The following ZFPL1 variants were observed in gnomAD, a reference collection of about 807,000 sequenced individuals.
The protein encoded by ZFPL1 is zinc finger protein-like 1.
A neutral mutation model predicts 32.0 loss-of-function variants in ZFPL1; 28 were observed. The observed-to-expected ratio is 0.87, with a 90% CI of 0.65 to 1.20. The LOEUF (loss-of-function observed/expected upper bound fraction) is 1.20. ZFPL1 is among the 50% of genes most tolerant of loss of function. ZFPL1 has a pLI of 0.00. For missense variants in ZFPL1, 386 were observed against 424.8 expected, an observed-to-expected ratio of 0.91 and a Z score of 0.80; for synonymous variants, 165 against 177.0, an observed-to-expected ratio of 0.93 and a Z score of 0.54.
chr11:65,084,261 C>G lies in ZFPL1; in HGVS notation c.-126C>G. On this transcript the variant is annotated 5_prime_UTR_variant, in exon 1 of 8. Coordinates refer to ENST00000294258, the MANE Select transcript of ZFPL1 (RefSeq NM_006782.4). ...GGAGGGATAATCGGGGCGGCCGGGG[C>G]TGAAGGGAGAGGCGCAGGAGCCCTG... 1.8e-6 allele frequency: 1 copy of G among 567,426 alleles called. No homozygotes were observed. The highest frequency in any genetic ancestry group is 2.1e-5 in the South Asian group (1 of 48,278). 35.1% of individuals were successfully genotyped at this position (567,426 alleles called of 1,614,324 possible).
At position 65,087,453 on chromosome 11, in the gene ZFPL1, G is replaced by GC; in HGVS notation, c.746+21dup. On this transcript the variant is annotated intron_variant, in intron 7 of 7. Transcript: ENST00000294258. ...GCTAAGGTACACAGGGTCAGGCAGG[G>GC]CGGAATGCCAGGAAGGGGTGGAGAG... 1 of 1,611,720 alleles carries GC rather than the reference G, an allele frequency of 6.2e-7. No individual in the cohort carries two copies. Among genetic ancestry groups the GC allele is most frequent in the South Asian group, 1.1e-5 (1 of 91,036 alleles).
Position 65,087,081 on chromosome 11 carries a change from C to A in ZFPL1, c.628+7C>A, listed in dbSNP as rs1204666075. On this transcript the variant is annotated splice_region_variant and intron_variant, in intron 6 of 7. Transcript: ENST00000294258. ...CCTGAGCCCTTGACTCACGGTGAGC[C>A]TGGGAGTTATCCAGGCCGCAGAAGG... 1 of 1,609,690 alleles carries A rather than the reference C, an allele frequency of 6.2e-7. No homozygotes were observed. The highest frequency in any genetic ancestry group is 1.1e-5 in the South Asian group (1 of 90,924).
intron 3 of ZFPL1, 167 bp from the exon 4 acceptor site, chr11:65,086,248 G>A (rs1947678078): frequency 5.3e-6 from 5 of 939,066 alleles, no homozygotes; most frequent in Non-Finnish European, 6.5e-6. Flanking sequence ...CTTAGATGGT[G>A]GTAGCCAAGA....
rs1947655327 is a variant in ZFPL1 at position 65,084,774 on chromosome 11, C to G, written c.76C>G (p.His26Asp). 1 of 1,614,030 alleles carries G rather than the reference C, an allele frequency of 6.2e-7. No homozygotes were observed. The highest frequency in any genetic ancestry group is 1.3e-5 in the African/African-American group (1 of 74,910). Residue 26 changes from histidine to aspartate, a missense_variant, in exon 2 of 8, where the codon CAC (histidine) becomes GAC (aspartate). His to Asp is a moderately conservative substitution (Grantham distance 81). Transcript: ENST00000294258. ...CFEHRVNVCEHCLVANHAKCI... is the reference protein window; with the variant it reads ...CFEHRVNVCEDCLVANHAKCI... ...CGAACATCGGGTCAACGTCTGCGAG[C>G]ACTGCCTGGTAGCCAATCACGCCAA... is the stretch of plus-strand genomic sequence containing the variant.
intron 3 of ZFPL1, 39 bp from the exon 4 acceptor site, chr11:65,086,376 T>A (rs1281832007): frequency 1.9e-6 from 3 of 1,613,362 alleles, no homozygotes. Flanking sequence ...AAGTGTCTTC[T>A]TCCTCATGTC....
At position 65,085,106 on chromosome 11, in the gene ZFPL1, C is replaced by T; in HGVS notation, c.103-9C>T. ...CAGCACCAGTTGTGACATCTCTCTC[C>T]CACTCCAGTGCATCGTCCAGTCCTA... On this transcript the variant is annotated splice_polypyrimidine_tract_variant and intron_variant, in intron 2 of 7. Transcript: ENST00000294258. 1 of 1,613,514 alleles carries T rather than the reference C, an allele frequency of 6.2e-7. No individual in the cohort carries two copies. Among genetic ancestry groups the T allele is most frequent in the Non-Finnish European group, 8.5e-7 (1 of 1,179,426 alleles).
chr11:65,085,988 C>CGTA, intron 3 of ZFPL1: 1 of 216,214 alleles, frequency 4.6e-6, no homozygotes, highest in South Asian at 6.5e-5. Flanking sequence ...TAGGGAATGC[C>CGTA]ACTTGTGTTT....
At chr11:65,084,531 G>A in intron 1 of ZFPL1, 153 bp downstream of exon 1, 1 of 641,726 alleles carries the variant, frequency 1.6e-6, no homozygotes, top group Non-Finnish European at 2.7e-6. Context: ...GATTTATGCA[G>A]GGGGTGTTTC....
intron 1 of ZFPL1, 86 bp downstream of exon 1, chr11:65,084,464 A>G (rs1947650146): frequency 1.7e-6 from 1 of 576,722 alleles, no homozygotes; most frequent in Non-Finnish European, 3.1e-6. Context: ...GGAGCCTCTG[A>G]TGGAGGGGCC....
chr11:65,085,150 T>C lies in ZFPL1; in HGVS notation c.138T>C (p.Asp46=). The change falls in exon 3 of 8, where the codon GAT becomes GAC. Residue 46 remains aspartate (D), a synonymous_variant. Coordinates refer to ENST00000294258, the MANE Select transcript of ZFPL1 (RefSeq NM_006782.4). ...AGTCCTACCTGCAATGGCTCCAAGA[T>C]AGCGACTACAACCCCAATTGCCGCC... The part of the protein sequence containing the change: ...IVQSYLQWLQ[D]SDYNPNCRLC... 2.5e-6 allele frequency: 4 copies of C among 1,614,066 alleles called. No individual in the cohort carries two copies. The highest frequency in any genetic ancestry group is 3.4e-6 in the Non-Finnish European group (4 of 1,179,974).
In ZFPL1 at chr11:65,086,925, C is replaced by A; in HGVS notation, c.482-3C>A. 1 of 1,613,646 alleles carries A rather than the reference C, an allele frequency of 6.2e-7. No homozygotes were observed. Among genetic ancestry groups the A allele is most frequent in the Non-Finnish European group, 8.5e-7 (1 of 1,179,712 alleles). On this transcript the variant is annotated splice_region_variant and splice_polypyrimidine_tract_variant and intron_variant, in intron 5 of 7. Coordinates refer to ENST00000294258, the MANE Select transcript of ZFPL1 (RefSeq NM_006782.4). ...CTGCTGACGGCTCTCTTTCCACCCA[C>A]AGCCAGCAGTACCCCTGGACCAGAG...
Position 65,085,989 on chromosome 11 carries a change from A to C in ZFPL1, c.215-426A>C. 6 of 166,790 alleles carry C rather than the reference A, an allele frequency of 3.6e-5. No individual in the cohort carries two copies. The South Asian group carries it at 4.4e-4, about 12-fold the overall frequency. The allele number at this position is 166,790 out of a possible 1,614,324, so 10.3% of individuals were successfully genotyped here. A position where few individuals can be genotyped will look rare whatever the true frequency, so the allele number is the denominator to read the frequency against. ...CCATAGTGTAGATATAGGGAATGCCACTTGTGTTTGATTATGTGCTTATAA... is the reference window on the plus strand; with the variant it reads ...CCATAGTGTAGATATAGGGAATGCCCCTTGTGTTTGATTATGTGCTTATAA... On this transcript the variant is annotated intron_variant, in intron 3 of 7. Coordinates refer to ENST00000294258, the MANE Select transcript of ZFPL1 (RefSeq NM_006782.4).
Position 65,084,388 on chromosome 11 carries a change from G to A in ZFPL1, c.-9+10G>A, listed in dbSNP as rs2137161231. 1.1e-5 allele frequency: 5 copies of A among 451,408 alleles called. 1 individual carries two copies. In the South Asian group the frequency reaches 1.2e-4, roughly 11 times the overall value. 28.0% of individuals were successfully genotyped at this position (451,408 alleles called of 1,614,324 possible). A position where few individuals can be genotyped will look rare whatever the true frequency, so the allele number is the denominator to read the frequency against. ...AAACACAGAGACTGGGGTCTGTAGA[G>A]AAGGGGCGGGACTTGGAGGGGGTGG... On this transcript the variant is annotated intron_variant, in intron 1 of 7. Coordinates refer to ENST00000294258, the MANE Select transcript of ZFPL1 (RefSeq NM_006782.4).
chr11:65,085,328 G>A, intron 3 of ZFPL1, 102 bp downstream of exon 3: 1 of 1,007,566 alleles, frequency 9.9e-7, no homozygotes, highest in Non-Finnish European at 1.5e-6. Flanking sequence ...AGTCCCCCGA[G>A]TCTCAGAGCC....
At chr11:65,084,402 T>A (rs1590803713) in intron 1 of ZFPL1, 24 bp downstream of exon 1, 1 of 220,278 alleles carries the variant, frequency 4.5e-6, no homozygotes, top group Non-Finnish European at 7.6e-6. Context: ...GGGCGGGACT[T>A]GGAGGGGGTG....
chr11:65,085,277 G>C (rs1387438716), intron 3 of ZFPL1, 51 bp downstream of exon 3: 2 of 1,544,338 alleles, frequency 1.3e-6, no homozygotes, highest in South Asian at 1.1e-5. Context: ...GGGCCAGCTT[G>C]GTGACTGGTT....
rs144753608 is a variant in ZFPL1, at chr11:65,086,723, G to A, written c.412G>A (p.Asp138Asn). 1,390 of 1,614,220 alleles carry A rather than the reference G, an allele frequency of 8.6e-4. 8 individuals are homozygous for A. The African/African-American group carries it at 0.013, about 15-fold the overall frequency. ...ARAGLGLPLI[D>N]EVVSPEPEPL... The stretch of plus-strand genomic sequence containing the variant: ...TGACCCAGATTCCTTCCTCCAGATC[G>A]ATGAGGTGGTGAGCCCAGAGCCCGA... Residue 138 changes from aspartate (D) to asparagine (N), a missense_variant, in exon 5 of 8, where the codon GAT becomes AAT. Transcript: ENST00000294258.
In ZFPL1 at chr11:65,088,007, T is replaced by A; in HGVS notation, c.826T>A (p.Phe276Ile). ...GCTGCTACTCTTGGGACTGCTGGGC[T>A]TCCTGGCCCTCCTTGCCCTCATGTC... ...GLLLLLGLLG[F>I]LALLALMSRL... Residue 276 changes from phenylalanine to isoleucine, a missense_variant, in exon 8 of 8, where the codon TTC becomes ATC. Physicochemically the swap from Phe to Ile is conservative, Grantham distance 21. Transcript: ENST00000294258. 6.2e-7 allele frequency: 1 copy of A among 1,602,758 alleles called. No individual in the cohort carries two copies. The highest frequency in any genetic ancestry group is 8.5e-7 in the Non-Finnish European group (1 of 1,177,360).
At chr11:65,087,804 G>A (rs1314432726) in intron 7 of ZFPL1, 124 bp from the exon 8 acceptor site, 26 of 1,040,316 alleles carry the variant, frequency 2.5e-5, no homozygotes, top group Non-Finnish European at 3.4e-5. Flanking sequence ...GTGCAGGAGT[G>A]ATCATCCCTG....
Sources: gnomAD v4.1 joint callset for allele counts on GRCh38, gnomAD v4.1.1 for gene constraint, MANE v1.5 for transcripts, NCBI Gene and HGNC (gene_info 2026-07-23, HGNC 2026-07-21) for gene names.